The following HOMER2 variants were observed in gnomAD, a reference collection of about 807,000 sequenced individuals.
The protein encoded by HOMER2 is homer protein homolog 2.
A neutral mutation model predicts 47.0 loss-of-function variants in HOMER2; 27 were observed. The observed-to-expected ratio is 0.57, with a 90% confidence interval of 0.42 to 0.79. HOMER2 has a LOEUF of 0.79. HOMER2 is among the 30% of genes least tolerant of loss of function. The pLI is 0.00. For synonymous variants in HOMER2, 161 were observed against 163.8 expected (o/e 0.98, Z 0.13); for missense variants, 443 against 435.0 (o/e 1.02, Z -0.16).
At chr15:82,844,192 G>GT (rs2051208571), downstream of HOMER2, 1 of 152,238 alleles carries the variant, frequency 6.6e-6, no homozygotes, top group Non-Finnish European at 1.5e-5. Context: ...CCCTGAATGA[G>GT]TACAAGGGGG....
chr15:82,978,922 T>C (rs1215011974), intron 1 of HOMER2, among the ~76,000 whole-genome samples: 2 of 152,200 alleles, frequency 1.3e-5, no homozygotes, highest in African/African-American at 4.8e-5. Context: ...GGTTTCACCG[T>C]GTTGGCCAGA....
chr15:82,880,136 T>C (rs1247435558), intron 2 of HOMER2, among the ~76,000 whole-genome samples: 2 of 152,248 alleles, frequency 1.3e-5, no homozygotes, highest in African/African-American at 4.8e-5. Flanking sequence ...ATCTAGCCTA[T>C]GGCCTGTTTT....
At chr15:82,963,416 C>T (rs1358915644) in intron 1 of HOMER2, among the ~76,000 whole-genome samples, 3 of 152,068 alleles carry the variant, frequency 2.0e-5, no homozygotes, top group Non-Finnish European at 4.4e-5. Context: ...ATGACATGGA[C>T]CCTTGTGGAG....
chr15:82,963,210 G>A (rs1331296178), intron 1 of HOMER2, among the ~76,000 whole-genome samples: 3 of 152,218 alleles, frequency 2.0e-5, no homozygotes, highest in East Asian at 3.9e-4. Flanking sequence ...TTAGCCTCCC[G>A]AATAGCTGGG....
At chr15:82,961,910 C>T (rs541393119) in intron 1 of HOMER2, among the ~76,000 whole-genome samples, 90 of 152,120 alleles carry the variant, frequency 5.9e-4, no homozygotes, top group Non-Finnish European at 1.1e-3. Flanking sequence ...ATTACAGGTG[C>T]CTGCCACCAA....
chr15:82,907,113 G>C (rs965534174), intron 1 of HOMER2, among the ~76,000 whole-genome samples: 14 of 152,204 alleles, frequency 9.2e-5, no homozygotes, highest in African/African-American at 3.1e-4. Flanking sequence ...CCAGCACTTT[G>C]GGAGGCCAAG....
At chr15:82,941,221 A>G (rs559980858) in intron 1 of HOMER2, among the ~76,000 whole-genome samples, 2 of 152,126 alleles carry the variant, frequency 1.3e-5, no homozygotes, top group African/African-American at 4.8e-5. Flanking sequence ...AAGCAGGCAG[A>G]TCACTTCAGA....
chr15:82,849,451 C>T lies in HOMER2; in HGVS notation c.*264G>A, dbSNP rs1397866455. On this transcript the variant is annotated 3_prime_UTR_variant, in exon 9 of 9. Coordinates refer to ENST00000450735, the MANE Select transcript of HOMER2 (RefSeq NM_004839.4). ...CTTATGAAAGATATAAACATCCCTG[C>T]CCTGACTGCATAAATGTTGAAGGTA... 6 of 504,430 alleles carry T rather than the reference C, an allele frequency of 1.2e-5. No individual in the cohort carries two copies. The highest frequency in any genetic ancestry group is 2.1e-5 in the Non-Finnish European group (6 of 283,532). 31.2% of individuals were successfully genotyped at this position (504,430 alleles called of 1,614,324 possible).
At chr15:82,983,843 C>T (rs1023124291) in intron 1 of HOMER2, among the ~76,000 whole-genome samples, 3 of 151,916 alleles carry the variant, frequency 2.0e-5, no homozygotes, top group Admixed American at 6.6e-5. Context: ...CCGCCTGCCT[C>T]GGCCTCTCAA....
intron 5 of HOMER2, among the ~76,000 whole-genome samples, chr15:82,857,759 G>T (rs1012092919): frequency 2.0e-5 from 3 of 152,020 alleles, no homozygotes; most frequent in Non-Finnish European, 4.4e-5. Flanking sequence ...GCAACTCTGA[G>T]GAGGGGGGCT....
At chr15:82,854,527 C>T in intron 6 of HOMER2, 117 bp downstream of exon 6, 1 of 1,049,518 alleles carries the variant, frequency 9.5e-7, no homozygotes. Context: ...AGCAAGTCTT[C>T]CTCTGGCCAT....
At chr15:82,930,954 G>C (rs1486871969) in intron 1 of HOMER2, among the ~76,000 whole-genome samples, 1 of 152,172 alleles carries the variant, frequency 6.6e-6, no homozygotes, top group African/African-American at 2.4e-5. Flanking sequence ...TTGAACCCGG[G>C]AGGCGGAGGT....
At chr15:82,909,505 T>TAAGGATGACTAAGGACAGAGCAGGTGACC (rs1294392186) in intron 1 of HOMER2, among the ~76,000 whole-genome samples, 2 of 151,844 alleles carry the variant, frequency 1.3e-5, no homozygotes, top group Non-Finnish European at 2.9e-5. Context: ...AACAGGTGAC[T>TAAGGATGACTAAGGACAGAGCAGGTGACC]AAGGATGACT....
chr15:82,928,940 T>TAAAAAAAAAAAAAAAAAAAAAAAAAA lies in HOMER2; in HGVS notation c.5+23590_5+23591insTTTTTTTTTTTTTTTTTTTTTTTTTT. Reference sequence around the variant, plus strand: ...TAACAACTGGCAAAAAAATAAAAACTAAAAAAAAAAAAAAAAAAAAGCTGT... The same window carrying TAAAAAAAAAAAAAAAAAAAAAAAAAA: ...TAACAACTGGCAAAAAAATAAAAACTAAAAAAAAAAAAAAAAAAAAAAAAAAAAAAAAAAAAAAAAAAAAAAGCTGT... On this transcript the variant is annotated intron_variant, in intron 1 of 8. Coordinates refer to ENST00000450735, the MANE Select transcript of HOMER2 (RefSeq NM_004839.4). Among the ~76,000 whole-genome samples the TAAAAAAAAAAAAAAAAAAAAAAAAAA allele has an allele frequency of 2.1e-3, 82 of 39,920 alleles. 19 individuals carry two copies. Among genetic ancestry groups the TAAAAAAAAAAAAAAAAAAAAAAAAAA allele is most frequent in the East Asian group, 3.6e-3 (4 of 1,124 alleles). 26.2% of individuals were successfully genotyped at this position (39,920 alleles called of 152,430 possible).
intron 1 of HOMER2, among the ~76,000 whole-genome samples, chr15:82,967,503 G>T (rs1428327866): frequency 3.9e-5 from 6 of 152,108 alleles, no homozygotes; most frequent in African/African-American, 1.4e-4. Context: ...GTTGCTAATT[G>T]TTGAAGGTAG....
At chr15:82,868,675 C>T (rs1205074434) in intron 3 of HOMER2, among the ~76,000 whole-genome samples, 1 of 149,676 alleles carries the variant, frequency 6.7e-6, no homozygotes, top group African/African-American at 2.5e-5. Flanking sequence ...CAGCCTCCTA[C>T]TGAGTAGCTG....
intron 3 of HOMER2, among the ~76,000 whole-genome samples, chr15:82,868,541 A>ATATATATATATATATATATT: frequency 4.2e-5 from 3 of 71,266 alleles, no homozygotes; most frequent in South Asian, 9.8e-4. Context: ...ATATATATAT[A>ATATATATATATATATATATT]TTTTTTTTTT....
chr15:82,927,216 C>T (rs531137534), intron 1 of HOMER2, among the ~76,000 whole-genome samples: 45 of 148,934 alleles, frequency 3.0e-4, no homozygotes, highest in African/African-American at 8.9e-4. Context: ...ACACTTACCA[C>T]CTTCTAACAT....
chr15:82,981,575 G>A (rs2030397946), intron 1 of HOMER2, among the ~76,000 whole-genome samples: 2 of 152,196 alleles, frequency 1.3e-5, no homozygotes, highest in Admixed American at 1.3e-4. Context: ...AATCACAGAT[G>A]CATTATTCAC....
Sources: gnomAD v4.1 joint callset for allele counts (sites outside exome capture counted in the v4.1 genomes callset) on GRCh38, gnomAD v4.1.1 for gene constraint, MANE v1.5 for transcripts, NCBI Gene and HGNC (gene_info 2026-07-23, HGNC 2026-07-21) for gene names.